PIGX: variants seen among roughly 807,000 people sequenced by gnomAD.
PIGX encodes the protein phosphatidylinositol glycan anchor biosynthesis class X, also known as GPI alpha-1,4-mannosyltransferase I, stabilizing subunit.
A neutral mutation model predicts 28.7 loss-of-function variants in PIGX; 24 were observed. The observed-to-expected ratio is 0.84, with a 90% CI of 0.60 to 1.17. PIGX has a LOEUF of 1.17. Ranked by LOEUF, PIGX falls within the 50% of genes most tolerant of loss-of-function variation. The pLI is 0.00. For missense variants in PIGX, 305 were observed against 317.8 expected, an observed-to-expected ratio of 0.96 and a Z score of 0.31; for synonymous variants, 127 against 121.0, an observed-to-expected ratio of 1.05 and a Z score of -0.33.
chr3:196,728,081 T>C lies in PIGX; in HGVS notation c.477T>C (p.Asp159=). 3.1e-6 allele frequency: 5 copies of C among 1,614,184 alleles called. No individual in the cohort carries two copies. The highest frequency in any genetic ancestry group is 4.2e-6 in the Non-Finnish European group (5 of 1,180,028). ...GCTATCATCGGCCGCACAGTGAAGA[T>C]GGAGAAGCCTCGATTGTGGTCAATA... The change falls in exon 4 of 6, where the codon GAT becomes GAC. Residue 159 remains aspartate, a synonymous_variant. Coordinates refer to ENST00000392391, the MANE Select transcript of PIGX (RefSeq NM_017861.4).
chr3:196,720,896 T>C (rs1179858195), intron 2 of PIGX, among the ~76,000 whole-genome samples: 4 of 152,154 alleles, frequency 2.6e-5, no homozygotes, highest in Non-Finnish European at 5.9e-5. Context: ...TATAAAATTC[T>C]AGATCGACAG....
chr3:196,730,871 C>A (rs1712723604), intron 4 of PIGX, 121 bp from the exon 5 acceptor site: 1 of 540,292 alleles, frequency 1.9e-6, no homozygotes, highest in Non-Finnish European at 3.4e-6. Context: ...ATAGATGGGT[C>A]CAGATCATAT....
At position 196,734,648 on chromosome 3, in the gene PIGX, T is replaced by C. The variant is rs1712938552; in HGVS notation, c.*746T>C. ...AGTAATGTCATGAGACTATTAAAGA[T>C]GTGCCAGAGTTTCAATGAAAATCAT... On this transcript the variant is annotated 3_prime_UTR_variant, in exon 6 of 6. Transcript: ENST00000392391. The C allele has an allele frequency of 1.3e-5, 2 of 152,238 alleles. No homozygotes were observed. The highest frequency in any genetic ancestry group is 4.8e-5 in the African/African-American group (2 of 41,468). 9.4% of individuals were successfully genotyped at this position (152,238 alleles called of 1,614,324 possible). A position where few individuals can be genotyped will look rare whatever the true frequency, so the allele number is the denominator to read the frequency against.
intron 5 of PIGX, among the ~76,000 whole-genome samples, chr3:196,732,318 G>C (rs1208255767): frequency 8.1e-6 from 1 of 123,218 alleles, no homozygotes; most frequent in Non-Finnish European, 1.6e-5. Flanking sequence ...GTCTCGCTCT[G>C]TTGCCCAGGC....
At chr3:196,719,051 T>G (rs1712208278) in intron 2 of PIGX, among the ~76,000 whole-genome samples, 1 of 152,192 alleles carries the variant, frequency 6.6e-6, no homozygotes, top group Non-Finnish European at 1.5e-5. Flanking sequence ...CGTCTTTATC[T>G]TCAGTGTGTT....
chr3:196,731,047 G>A lies in PIGX; in HGVS notation c.588G>A (p.Leu196=). The change falls in exon 5 of 6, where the codon TTG becomes TTA. Residue 196 remains leucine (L), a synonymous_variant. Coordinates refer to ENST00000392391, the MANE Select transcript of PIGX (RefSeq NM_017861.4). ...CAGAAGTGGCAGCCCCTTGTGCTTTGGAGAATGAGGATATCTGCCAATGGA... is the reference window on the plus strand; with the variant it reads ...CAGAAGTGGCAGCCCCTTGTGCTTTAGAGAATGAGGATATCTGCCAATGGA... 6 of 1,610,698 alleles carry A rather than the reference G, an allele frequency of 3.7e-6. No homozygotes were observed. The highest frequency in any genetic ancestry group is 5.1e-6 in the Non-Finnish European group (6 of 1,177,088).
intron 4 of PIGX, chr3:196,728,339 AG>A (rs1407515189): frequency 1.7e-6 from 1 of 590,564 alleles, no homozygotes; most frequent in Non-Finnish European, 3.0e-6. Flanking sequence ...ACAATAAAAA[AG>A]TTAAAAAGAA....
In PIGX at chr3:196,728,045, T is replaced by C. The variant is rs775523184; in HGVS notation, c.441T>C (p.Pro147=). The C allele has an allele frequency of 1.9e-6, 3 of 1,614,186 alleles. No homozygotes were observed. The highest frequency in any genetic ancestry group is 2.7e-5 in the African/African-American group (2 of 75,040). Residue 147 remains proline, a synonymous_variant, in exon 4 of 6, where the codon CCT becomes CCC. Transcript: ENST00000392391. ...TTGACTGTTTTCAAGCCTTTTTGCC[T>C]GTGCACTGCCGCTATCATCGGCCGC... is the stretch of plus-strand genomic sequence containing the variant.
chr3:196,723,383 T>C (rs1467311827), intron 3 of PIGX, among the ~76,000 whole-genome samples: 5 of 152,126 alleles, frequency 3.3e-5, no homozygotes, highest in East Asian at 1.9e-4. Flanking sequence ...AAGTAACTTA[T>C]CCAAAATCAC....
At chr3:196,726,092 A>G (rs940176694) in intron 3 of PIGX, among the ~76,000 whole-genome samples, 3 of 152,126 alleles carry the variant, frequency 2.0e-5, no homozygotes, top group Non-Finnish European at 4.4e-5. Flanking sequence ...CCAATCCAGA[A>G]TTGACCCAGA....
chr3:196,732,236 A>T (rs1183579204), intron 5 of PIGX, among the ~76,000 whole-genome samples: 12 of 58,554 alleles, frequency 2.0e-4, no homozygotes, highest in African/African-American at 5.9e-4. Flanking sequence ...ATATATATAT[A>T]TATATATATA....
chr3:196,717,746 T>C (rs999978935), intron 2 of PIGX: 1 of 152,204 alleles, frequency 6.6e-6, no homozygotes, highest in Non-Finnish European at 1.5e-5. Context: ...TTAGTACTAT[T>C]ATACTTCAAA....
At chr3:196,713,827 ACT>A (rs1711955767) in intron 1 of PIGX, among the ~76,000 whole-genome samples, 2 of 128,188 alleles carry the variant, frequency 1.6e-5, no homozygotes, top group Admixed American at 8.3e-5. Context: ...ACAGAGGGAG[ACT>A]CTGTCTCAAA....
chr3:196,729,475 C>T (rs1288728655), intron 4 of PIGX, among the ~76,000 whole-genome samples: 10 of 151,018 alleles, frequency 6.6e-5, no homozygotes, highest in Non-Finnish European at 1.5e-4. Flanking sequence ...GGCGCAATCT[C>T]GGCTTACCGC....
At chr3:196,729,151 G>C (rs1253290235) in intron 4 of PIGX, among the ~76,000 whole-genome samples, 1 of 151,904 alleles carries the variant, frequency 6.6e-6, no homozygotes, top group Non-Finnish European at 1.5e-5. Flanking sequence ...GACCAACATG[G>C]TGAAACCCCG....
intron 5 of PIGX, among the ~76,000 whole-genome samples, chr3:196,732,787 A>T (rs910463280): frequency 6.6e-6 from 1 of 152,318 alleles, no homozygotes; most frequent in Non-Finnish European, 1.5e-5. Context: ...AGTATTCCCA[A>T]GTTACGTACA....
chr3:196,720,903 A>G (rs539930652), intron 2 of PIGX, among the ~76,000 whole-genome samples: 17 of 152,100 alleles, frequency 1.1e-4, no homozygotes, highest in Non-Finnish European at 2.5e-4. Flanking sequence ...TTCTAGATCG[A>G]CAGCCTCTTT....
At chr3:196,722,388 T>C (rs758259776) in intron 2 of PIGX, 27 bp from the exon 3 acceptor site, 7 of 1,563,534 alleles carry the variant, frequency 4.5e-6, no homozygotes, top group Middle Eastern at 1.7e-4. Flanking sequence ...AATGAAGAGA[T>C]TTACTTTCAA....
At chr3:196,730,335 A>G (rs1388064550) in intron 4 of PIGX, among the ~76,000 whole-genome samples, 1 of 152,156 alleles carries the variant, frequency 6.6e-6, no homozygotes, top group East Asian at 1.9e-4. Context: ...TGTGTTTCAT[A>G]TGGAAATTTA....
Sources: allele counts gnomAD v4.1 joint callset (sites outside exome capture counted in the v4.1 genomes callset), GRCh38; gene constraint gnomAD v4.1.1; transcripts MANE v1.5; gene names NCBI Gene and HGNC (gene_info 2026-07-23, HGNC 2026-07-21).